The following KCNK9 variants were observed in gnomAD, a reference collection of about 807,000 sequenced individuals.
KCNK9 encodes potassium two pore domain channel subfamily K member 9.
Under a neutral mutation model 10.8 loss-of-function variants are expected in KCNK9, and 1 was observed. The ratio of observed to expected loss-of-function variants is 0.09; its 90% CI spans 0.03 to 0.44. The LOEUF (loss-of-function observed/expected upper bound fraction) is 0.44. KCNK9 is among the 20% of genes least tolerant of loss of function. The pLI is 0.97. For missense variants in KCNK9, 303 were observed against 515.0 expected (o/e 0.59, Z 3.98); for synonymous variants, 231 against 222.7 (o/e 1.04, Z -0.33).
Position 139,618,359 on chromosome 8 carries a change from A to ATG in KCNK9, c.1022_1023dup (p.Leu342HisfsTer2). ...GGCGATGGGAAGAGGCTGTTTTTTAATGTGCTTGGTGAGATCTCCTCGATC... is the reference window on the plus strand; with the variant it reads ...GGCGATGGGAAGAGGCTGTTTTTTAATGTGTGCTTGGTGAGATCTCCTCGATC... On this transcript the variant is annotated frameshift_variant, in exon 2 of 2. Transcript: ENST00000520439. LOFTEE classifies it low-confidence loss of function (END_TRUNC). The surrounding 1 kb of genome is among the most constrained non-coding windows in gnomAD (Gnocchi z 7.9). 6.2e-7 allele frequency: 1 copy of ATG among 1,614,072 alleles called. No individual in the cohort carries two copies. Among genetic ancestry groups the ATG allele is most frequent in the Non-Finnish European group, 8.5e-7 (1 of 1,180,004 alleles).
intron 1 of KCNK9, among the ~76,000 whole-genome samples, chr8:139,670,507 T>C (rs149034241): frequency 1.6e-4 from 24 of 152,294 alleles, no homozygotes; most frequent in African/African-American, 5.3e-4. Flanking sequence ...GTGTTAGGTA[T>C]TGGAAGTAAT....
At chr8:139,637,760 T>TACAC (rs34018499) in intron 1 of KCNK9, among the ~76,000 whole-genome samples, 6,791 of 146,184 alleles carry the variant, frequency 0.046, 181 homozygotes, top group Middle Eastern at 0.11. Context: ...ATTCCTACTC[T>TACAC]ACACACACAC....
At chr8:139,674,266 C>T (rs1451567599) in intron 1 of KCNK9, among the ~76,000 whole-genome samples, 1 of 152,172 alleles carries the variant, frequency 6.6e-6, no homozygotes, top group African/African-American at 2.4e-5. Flanking sequence ...TCTCCTCTTT[C>T]CGCTGTCTGC....
chr8:139,691,643 G>A (rs1330562591), intron 1 of KCNK9, among the ~76,000 whole-genome samples: 1 of 152,154 alleles, frequency 6.6e-6, no homozygotes, highest in Non-Finnish European at 1.5e-5. Context: ...TATAAATAGA[G>A]GCATGGTTCA....
chr8:139,634,025 C>A (rs1815257563), intron 1 of KCNK9, among the ~76,000 whole-genome samples: 1 of 152,246 alleles, frequency 6.6e-6, no homozygotes, highest in African/African-American at 2.4e-5. Flanking sequence ...CGCATACAGG[C>A]CTTATATATA....
chr8:139,627,000 G>A (rs963280336), intron 1 of KCNK9, among the ~76,000 whole-genome samples: 1 of 152,160 alleles, frequency 6.6e-6, no homozygotes, highest in Non-Finnish European at 1.5e-5. Context: ...TTTAAACCCA[G>A]GCGTCTGCAA....
chr8:139,681,308 G>C (rs545089636), intron 1 of KCNK9, among the ~76,000 whole-genome samples: 1 of 152,178 alleles, frequency 6.6e-6, no homozygotes, highest in Non-Finnish European at 1.5e-5. Flanking sequence ...CGAGCACACC[G>C]CCCACCGAAG....
chr8:139,631,085 C>G (rs959186906), intron 1 of KCNK9, among the ~76,000 whole-genome samples: 2 of 152,226 alleles, frequency 1.3e-5, no homozygotes, highest in Non-Finnish European at 2.9e-5. Context: ...GGACACGGCC[C>G]CGGGTGCGGG....
intron 1 of KCNK9, among the ~76,000 whole-genome samples, chr8:139,628,891 G>A (rs1479102637): frequency 6.6e-6 from 1 of 152,172 alleles, no homozygotes; most frequent in Admixed American, 6.5e-5. Flanking sequence ...GCCCCTTCCT[G>A]AGGAAGGCCA....
chr8:139,629,343 CA>C (rs1443244499), intron 1 of KCNK9, among the ~76,000 whole-genome samples: 1 of 152,230 alleles, frequency 6.6e-6, no homozygotes, highest in Non-Finnish European at 1.5e-5. Flanking sequence ...ACCCAAACAC[CA>C]AAGAAATCTG....
rs6986742 is a variant in KCNK9 at position 139,605,905 on chromosome 8, A to G, written c.*1-4304T>C. Among the ~76,000 whole-genome samples, 1,416 of 152,274 alleles carry G rather than the reference A, an allele frequency of 9.3e-3. 7 individuals are homozygous for G. The highest frequency in any genetic ancestry group is 0.024 in the Middle Eastern group (7 of 294). ...AATAAATACCTCTGATATTCATTTGATGGTTGTCTCATTCTGTTGAACTTC... is the reference window on the plus strand; with the variant it reads ...AATAAATACCTCTGATATTCATTTGGTGGTTGTCTCATTCTGTTGAACTTC... On this transcript the variant is annotated intron_variant, in intron 2 of 2. Coordinates refer to the KCNK9 transcript ENST00000650269.
At chr8:139,698,810 G>A (rs1325314818) in intron 1 of KCNK9, among the ~76,000 whole-genome samples, 1 of 152,210 alleles carries the variant, frequency 6.6e-6, no homozygotes, top group East Asian at 1.9e-4. Context: ...TTCACGAAAA[G>A]TCTGTTTAAG....
Position 139,618,349 on chromosome 8 carries a change from C to G in KCNK9, c.1034G>C (p.Ser345Thr). The part of the protein sequence containing the change: ...EEISPSTLKN[S>T]LFPSPISSIS... ...GGAGCTAATAGGCGATGGGAAGAGGCTGTTTTTTAATGTGCTTGGTGAGAT... is the reference window on the plus strand; with the variant it reads ...GGAGCTAATAGGCGATGGGAAGAGGGTGTTTTTTAATGTGCTTGGTGAGAT... Residue 345 changes from serine to threonine, a missense_variant, in exon 2 of 2, where the codon AGC (serine) becomes ACC (threonine). Ser to Thr is a moderately conservative substitution (Grantham distance 58, BLOSUM62 1). Coordinates refer to ENST00000520439, the MANE Select transcript of KCNK9 (RefSeq NM_001282534.2). The surrounding 1 kb of genome is among the most constrained non-coding windows in gnomAD (Gnocchi z 7.9). 6.2e-7 allele frequency: 1 copy of G among 1,614,126 alleles called. No individual in the cohort carries two copies. The highest frequency in any genetic ancestry group is 8.5e-7 in the Non-Finnish European group (1 of 1,180,034).
rs1160823569 is a variant in KCNK9, at chr8:139,617,454, TTAAC to T, written c.*800_*803del. On this transcript the variant is annotated 3_prime_UTR_variant, in exon 2 of 2. Transcript: ENST00000520439. ...TTTTTTGTTGATAGCGCATACCAGT[TTAAC>T]AAAGTGCATGCTTTTTAAAAAATGT... Among the ~76,000 whole-genome samples the T allele has an allele frequency of 6.6e-6, 1 of 152,192 alleles. No individual in the cohort carries two copies. The highest frequency in any genetic ancestry group is 1.9e-4 in the East Asian group (1 of 5,200).
intron 1 of KCNK9, among the ~76,000 whole-genome samples, chr8:139,655,278 C>T (rs1004982468): frequency 5.3e-5 from 8 of 152,308 alleles, no homozygotes; most frequent in Non-Finnish European, 7.4e-5. Flanking sequence ...AGACCTCACT[C>T]GGTGCCCAAG....
chr8:139,630,544 C>G (rs1815132954), intron 1 of KCNK9, among the ~76,000 whole-genome samples: 1 of 152,222 alleles, frequency 6.6e-6, no homozygotes, highest in Non-Finnish European at 1.5e-5. Flanking sequence ...AGCCTCCAGG[C>G]ACAGGCTGCA....
intron 1 of KCNK9, among the ~76,000 whole-genome samples, chr8:139,626,044 T>C (rs1814961843): frequency 6.6e-6 from 1 of 152,146 alleles, no homozygotes; most frequent in Non-Finnish European, 1.5e-5. Flanking sequence ...GGTTAGACCA[T>C]AAGAGGCACC....
Position 139,660,449 on chromosome 8 carries a change from A to AT in KCNK9, c.284-41351_284-41350insA, listed in dbSNP as rs1554623942. On this transcript the variant is annotated intron_variant, in intron 1 of 1. Coordinates refer to ENST00000520439, the MANE Select transcript of KCNK9 (RefSeq NM_001282534.2). Reference sequence around the variant, plus strand: ...GTGAAACCCGTCTCTGCTAAAAAAAAATATATATATATATATATATATTAG... The same window carrying AT: ...GTGAAACCCGTCTCTGCTAAAAAAAATATATATATATATATATATATATTAG... 2.4e-3 allele frequency among the ~76,000 whole-genome samples: 309 copies of AT among 131,182 alleles called. 1 individual carries two copies. The highest frequency in any genetic ancestry group is 3.9e-3 in the African/African-American group (128 of 32,784). 86.1% of individuals were successfully genotyped at this position (131,182 alleles called of 152,430 possible).
chr8:139,681,681 C>A (rs530568991), intron 1 of KCNK9, among the ~76,000 whole-genome samples: 1 of 152,362 alleles, frequency 6.6e-6, no homozygotes. Flanking sequence ...CCATAAGGAA[C>A]AAGAGTCTCT....
Sources: gnomAD v4.1 joint callset for allele counts (sites outside exome capture counted in the v4.1 genomes callset) on GRCh38, gnomAD v4.1.1 for gene constraint, Gnocchi (gnomAD v3.1) non-coding constraint, MANE v1.5 for transcripts, NCBI Gene and HGNC (gene_info 2026-07-23, HGNC 2026-07-21) for gene names.